WDR25: variants seen among roughly 807,000 people sequenced by gnomAD.
WDR25 encodes WD repeat domain 25, also known as WD repeat-containing protein 25.
Under a neutral mutation model 47.7 loss-of-function variants are expected in WDR25, and 35 were observed. The ratio of observed to expected loss-of-function variants is 0.73; its 90% CI spans 0.56 to 0.97. WDR25 has a LOEUF of 0.97. Ranked by LOEUF, WDR25 falls within the 50% of genes least tolerant of loss-of-function variation. WDR25 has a pLI of 0.00. For synonymous variants in WDR25, 248 were observed against 278.9 expected, an observed-to-expected ratio of 0.89 and a Z score of 1.10; for missense variants, 634 against 704.7, an observed-to-expected ratio of 0.90 and a Z score of 1.14.
chr14:100,413,092 A>C (rs1158693752), intron 2 of WDR25, among the ~76,000 whole-genome samples: 1 of 152,192 alleles, frequency 6.6e-6, no homozygotes, highest in Non-Finnish European at 1.5e-5. Context: ...GGCCTCCCAA[A>C]GTTCTGGGAT....
rs2030074563 is a variant in WDR25 at position 100,525,464 on chromosome 14, T to G, written c.1102-406T>G. ...CCTCTGGGACAACAATCTGGGACTT[T>G]GCAAGCTGTGAATTATGTGACGTCT... On this transcript the variant is annotated intron_variant, in intron 4 of 6. Transcript: ENST00000402312. This position sits in a 1 kb window ranked among gnomAD's most constrained non-coding sequence, Gnocchi z 4.6. Among the ~76,000 whole-genome samples, 1 of 152,214 alleles carries G rather than the reference T, an allele frequency of 6.6e-6. No homozygotes were observed. Among genetic ancestry groups the G allele is most frequent in the Non-Finnish European group, 1.5e-5 (1 of 68,040 alleles).
intron 2 of WDR25, among the ~76,000 whole-genome samples, chr14:100,386,224 A>T (rs1897014132): frequency 6.6e-6 from 1 of 152,250 alleles, no homozygotes; most frequent in South Asian, 2.1e-4. Flanking sequence ...TGCAGGAAAT[A>T]TGAAGTATGA....
intron 1 of WDR25, among the ~76,000 whole-genome samples, chr14:100,377,072 C>T (rs145893831): frequency 0.016 from 2,490 of 152,294 alleles, 40 homozygotes; most frequent in Non-Finnish European, 0.023. Flanking sequence ...TTTAATCCCT[C>T]ATCTCCTTCC....
rs1029650651 is a variant in WDR25, at chr14:100,376,534, C to G, written c.-16+39C>G. On this transcript the variant is annotated intron_variant, in intron 1 of 6. Coordinates refer to ENST00000402312, the MANE Select transcript of WDR25 (RefSeq NM_001161476.3). ...GCGGCGGGCCCCGGGCTGGAGGGGC[C>G]GGGACTGGGCAGCGCCTAAAGCGCC... 3 of 1,231,796 alleles carry G rather than the reference C, an allele frequency of 2.4e-6. No homozygotes were observed. The African/African-American group carries it at 4.7e-5, about 19-fold the overall frequency. The allele number at this position is 1,231,796 out of a possible 1,614,324, so 76.3% of individuals were successfully genotyped here.
At chr14:100,408,438 G>A (rs1897608243) in intron 2 of WDR25, among the ~76,000 whole-genome samples, 1 of 152,144 alleles carries the variant, frequency 6.6e-6, no homozygotes, top group Admixed American at 6.5e-5. Context: ...GGGTGGAGGA[G>A]ACCTGAGATG....
At chr14:100,418,098 C>T (rs535368728) in intron 2 of WDR25, among the ~76,000 whole-genome samples, 17 of 151,846 alleles carry the variant, frequency 1.1e-4, no homozygotes, top group African/African-American at 4.1e-4. Flanking sequence ...CCAACCACCA[C>T]GCCTGGCTAA....
intron 3 of WDR25, among the ~76,000 whole-genome samples, chr14:100,479,057 G>A (rs1900113142): frequency 6.6e-6 from 1 of 151,970 alleles, no homozygotes; most frequent in African/African-American, 2.4e-5. Flanking sequence ...AAAGAGTTTG[G>A]CAGTCCTGGG....
intron 2 of WDR25, among the ~76,000 whole-genome samples, chr14:100,397,611 G>A (rs1897287863): frequency 1.3e-5 from 2 of 152,172 alleles, no homozygotes; most frequent in Non-Finnish European, 2.9e-5. Flanking sequence ...GTGCTCTGGG[G>A]CATAAAGAAC....
rs1896882435 is a variant in WDR25, at chr14:100,381,196, G to A, written c.272G>A (p.Cys91Tyr). 2.5e-6 allele frequency: 4 copies of A among 1,614,148 alleles called. No homozygotes were observed. The South Asian group carries it at 3.3e-5, about 13-fold the overall frequency. Reference sequence around the variant, plus strand: ...CTTGGGAGAAGCGATTGGGGATCTTGCCCCAGCCAGAGGCTACAGTGGCCC... The same window carrying A: ...CTTGGGAGAAGCGATTGGGGATCTTACCCCAGCCAGAGGCTACAGTGGCCC... ...AQLGRSDWGS[C>Y]PSQRLQWPGK... The change falls in exon 2 of 7, where the codon TGC (cysteine) becomes TAC (tyrosine). Residue 91 changes from cysteine (C) to tyrosine (Y), a missense_variant. Coordinates refer to ENST00000402312, the MANE Select transcript of WDR25 (RefSeq NM_001161476.3).
At chr14:100,526,573 G>A (rs923534901) in intron 5 of WDR25, among the ~76,000 whole-genome samples, 6 of 152,022 alleles carry the variant, frequency 3.9e-5, no homozygotes, top group Non-Finnish European at 7.4e-5. Context: ...AAGAGAGAGA[G>A]AGAATGTTTG....
At chr14:100,382,014 G>C in intron 2 of WDR25, 1 of 701,924 alleles carries the variant, frequency 1.4e-6, no homozygotes, top group Non-Finnish European at 2.6e-6. Flanking sequence ...GAGGAGGTGA[G>C]AGTGATTAGT....
chr14:100,476,624 C>T (rs979706591), intron 3 of WDR25: 1 of 152,220 alleles, frequency 6.6e-6, no homozygotes, highest in South Asian at 2.1e-4. Context: ...CAGGGCCAGT[C>T]TCCGTCTCAG....
chr14:100,484,062 A>G lies in WDR25; in HGVS notation c.1039A>G (p.Asn347Asp). The G allele has an allele frequency of 6.2e-7, 1 of 1,614,004 alleles. No homozygotes were observed. Among genetic ancestry groups the G allele is most frequent in the Non-Finnish European group, 8.5e-7 (1 of 1,179,956 alleles). ...CTTGAAATTCCATCCAAAAGACCACAACATCTTTTTATGTGGAGGCTTCAG... is the reference window on the plus strand; with the variant it reads ...CTTGAAATTCCATCCAAAAGACCACGACATCTTTTTATGTGGAGGCTTCAG... ...TTLKFHPKDH[N>D]IFLCGGFSSE... The change falls in exon 4 of 7, where the codon AAC becomes GAC. Residue 347 changes from asparagine to aspartate, a missense_variant. By Grantham distance (23) the Asn-to-Asp change is conservative (BLOSUM62 1). Transcript: ENST00000402312.
intron 2 of WDR25, among the ~76,000 whole-genome samples, chr14:100,445,596 G>A (rs1292235089): frequency 6.6e-6 from 1 of 152,208 alleles, no homozygotes; most frequent in East Asian, 1.9e-4. Flanking sequence ...GGGCCTGAGA[G>A]GTGAATCAAA....
chr14:100,526,069 A>C (rs1302281089), intron 5 of WDR25, 29 bp downstream of exon 5: 2 of 1,612,676 alleles, frequency 1.2e-6, no homozygotes, highest in African/African-American at 2.7e-5. Flanking sequence ...CATTGCTGTC[A>C]GTTTCAGCCA....
intron 4 of WDR25, among the ~76,000 whole-genome samples, chr14:100,494,717 A>C (rs73351013): frequency 0.071 from 10,791 of 152,266 alleles, 1,257 homozygotes; most frequent in African/African-American, 0.24. Flanking sequence ...CTTCCTCCAC[A>C]TAGAAGGCTA....
intron 3 of WDR25, among the ~76,000 whole-genome samples, chr14:100,470,181 C>T (rs536143199): frequency 6.6e-6 from 1 of 152,126 alleles, no homozygotes; most frequent in Non-Finnish European, 1.5e-5. Context: ...TAGGTTCTTG[C>T]AGATGGAACA....
chr14:100,483,025 C>T (rs550816970), intron 3 of WDR25, among the ~76,000 whole-genome samples: 5 of 152,190 alleles, frequency 3.3e-5, no homozygotes, highest in Non-Finnish European at 7.4e-5. Context: ...GGGACATATA[C>T]GGGGGTGGCA....
In WDR25 at chr14:100,419,496, C is replaced by T. The variant is rs546845180; in HGVS notation, c.822+37750C>T. Among the ~76,000 whole-genome samples the T allele has an allele frequency of 3.3e-5, 5 of 152,236 alleles. No homozygotes were observed. The East Asian group carries it at 9.7e-4, about 29-fold the overall frequency. On this transcript the variant is annotated intron_variant, in intron 2 of 6. Coordinates refer to ENST00000402312, the MANE Select transcript of WDR25 (RefSeq NM_001161476.3). ...CTTCCAATATAGTCCAGCATCTTTT[C>T]TTGTTGAGATGGGGGGAAAATTCTA...
Sources: gnomAD v4.1 joint callset for allele counts (sites outside exome capture counted in the v4.1 genomes callset) on GRCh38, gnomAD v4.1.1 for gene constraint, Gnocchi (gnomAD v3.1) non-coding constraint, MANE v1.5 for transcripts, NCBI Gene and HGNC (gene_info 2026-07-23, HGNC 2026-07-21) for gene names.